PLEKHH1: variants seen among roughly 807,000 people sequenced by gnomAD.
PLEKHH1 encodes the protein pleckstrin homology domain-containing family H member 1.
A neutral mutation model predicts 160.0 loss-of-function variants in PLEKHH1; 104 were observed. The observed-to-expected ratio is 0.65, with a 90% CI of 0.55 to 0.76. The LOEUF (loss-of-function observed/expected upper bound fraction) is 0.76, where lower values mean the gene tolerates loss of function less well. PLEKHH1 is among the 30% of genes least tolerant of loss of function. The probability of loss-of-function intolerance (pLI) is 0.00; values close to 1 mark genes in which losing one functional copy is unlikely to be tolerated. For synonymous variants in PLEKHH1, 619 were observed against 678.4 expected (o/e 0.91, Z 1.36); for missense variants, 1,427 against 1,724.1 (o/e 0.83, Z 3.05).
intron 1 of PLEKHH1, among the ~76,000 whole-genome samples, chr14:67,536,519 C>T (rs949005548): frequency 6.6e-6 from 1 of 151,776 alleles, no homozygotes; most frequent in African/African-American, 2.4e-5. Context: ...AGCCCCGTTG[C>T]CTTCCAATGC....
chr14:67,579,695 G>C, intron 21 of PLEKHH1, 26 bp from the exon 22 acceptor site: 1 of 1,608,018 alleles, frequency 6.2e-7, no homozygotes, highest in South Asian at 1.1e-5. Flanking sequence ...GGTTCACTCA[G>C]GGTTGGAACT....
intron 9 of PLEKHH1, chr14:67,571,461 G>A: frequency 2.9e-6 from 1 of 339,156 alleles, no homozygotes; most frequent in East Asian, 4.5e-5. Flanking sequence ...GTAGCTTTCT[G>A]GCCCCCTAGT....
At chr14:67,568,703 C>T (rs908783816) in intron 7 of PLEKHH1, among the ~76,000 whole-genome samples, 4 of 152,078 alleles carry the variant, frequency 2.6e-5, no homozygotes, top group African/African-American at 7.2e-5. Flanking sequence ...GTCGTGTGGC[C>T]GCAGTGGCTT....
At position 67,541,899 on chromosome 14, in the gene PLEKHH1, G is replaced by T; in HGVS notation, c.32G>T (p.Ser11Ile). Reference protein sequence around the residue: MAELKVEAPASVDWQKRCLTL... With the variant: MAELKVEAPAIVDWQKRCLTL... ...GAACTCAAGGTGGAGGCGCCGGCCA[G>T]CGTAGACTGGCAGAAACGCTGCCTG... The change falls in exon 2 of 29, where the codon AGC becomes ATC. Residue 11 changes from serine to isoleucine, a missense_variant. Physicochemically the swap from Ser to Ile is moderately radical, Grantham distance 142. This residue lies in a region of PLEKHH1 where 831 missense variants were observed against 929.2 expected (regional missense o/e 0.89). Transcript: ENST00000329153. 6.2e-7 allele frequency: 1 copy of T among 1,603,526 alleles called. No individual in the cohort carries two copies. The highest frequency in any genetic ancestry group is 8.5e-7 in the Non-Finnish European group (1 of 1,175,202).
Position 67,580,901 on chromosome 14 carries a change from A to G in PLEKHH1, c.3184-37A>G, listed in dbSNP as rs368763236. 29 of 1,376,680 alleles carry G rather than the reference A, an allele frequency of 2.1e-5. No homozygotes were observed. The African/African-American group carries it at 2.8e-4, about 14-fold the overall frequency. The allele number at this position is 1,376,680 out of a possible 1,614,324, so 85.3% of individuals were successfully genotyped here. On this transcript the variant is annotated intron_variant, in intron 22 of 28. Coordinates refer to ENST00000329153, the MANE Select transcript of PLEKHH1 (RefSeq NM_020715.3). ...GACCTTGATCCCTTCTCTCCTTATCAGGAAATTTTCTGACTTTCTTCTTTT... is the reference window on the plus strand; with the variant it reads ...GACCTTGATCCCTTCTCTCCTTATCGGGAAATTTTCTGACTTTCTTCTTTT...
intron 2 of PLEKHH1, among the ~76,000 whole-genome samples, chr14:67,543,697 G>T (rs2034062693): frequency 6.6e-6 from 1 of 152,018 alleles, no homozygotes; most frequent in Non-Finnish European, 1.5e-5. Context: ...GAAAGGATAA[G>T]TAGGGATTGA....
rs2034877446 is a variant in PLEKHH1, at chr14:67,562,308, A to G, written c.677A>G (p.Lys226Arg). The G allele has an allele frequency of 1.2e-6, 2 of 1,613,804 alleles. No homozygotes were observed. The highest frequency in any genetic ancestry group is 2.7e-5 in the African/African-American group (2 of 74,910). Residue 226 changes from lysine to arginine, a missense_variant, in exon 7 of 29, where the codon AAG (lysine) becomes AGG (arginine). By Grantham distance (26) the Lys-to-Arg change is conservative. This residue lies in a region of PLEKHH1 where 831 missense variants were observed against 929.2 expected (regional missense o/e 0.89). Transcript: ENST00000329153. ...LAPSPGALQS[K>R]DSVSEAASPL... ...CCTTCCCCAGGTGCCCTGCAGAGCAAGGACTCTGTTTCTGAAGCAGCAAGC... is the reference window on the plus strand; with the variant it reads ...CCTTCCCCAGGTGCCCTGCAGAGCAGGGACTCTGTTTCTGAAGCAGCAAGC...
rs760010101 is a variant in PLEKHH1 at position 67,574,383 on chromosome 14, G to A, written c.2068G>A (p.Val690Met). Residue 690 changes from valine to methionine, a missense_variant, in exon 14 of 29, where the codon GTG becomes ATG. Coordinates refer to ENST00000329153, the MANE Select transcript of PLEKHH1 (RefSeq NM_020715.3). The surrounding 1 kb of genome is among the most constrained non-coding windows in gnomAD (Gnocchi z 4.2). ...GCTTCGGGGTGGCACCAAGCCCACC[G>A]TGAAGGGCTGGCTGACCAAGGTAGA... ...ALLRGGTKPTVKGWLTKVKHG... is the reference protein window; with the variant it reads ...ALLRGGTKPTMKGWLTKVKHG... 7 of 1,580,604 alleles carry A rather than the reference G, an allele frequency of 4.4e-6. No homozygotes were observed. The Admixed American group carries it at 5.6e-5, about 13-fold the overall frequency.
chr14:67,586,315 C>G, intron 28 of PLEKHH1: 2 of 1,285,376 alleles, frequency 1.6e-6, no homozygotes, highest in Non-Finnish European at 2.2e-6. Flanking sequence ...AGGGAACTAA[C>G]TCTGGCCTAG....
At chr14:67,577,870 A>T (rs2035696873) in intron 18 of PLEKHH1, among the ~76,000 whole-genome samples, 153 bp from the exon 19 acceptor site, 1 of 152,190 alleles carries the variant, frequency 6.6e-6, no homozygotes, top group Non-Finnish European at 1.5e-5. Flanking sequence ...TTTAGTAAGC[A>T]GAGATGCCCT....
chr14:67,533,735 C>T (rs932422515), intron 1 of PLEKHH1: 8 of 152,066 alleles, frequency 5.3e-5, no homozygotes, highest in African/African-American at 1.9e-4. Context: ...TCCCTTTCAC[C>T]CCTTCCCGCA....
At position 67,582,496 on chromosome 14, in the gene PLEKHH1, G is replaced by C. The variant is rs908755721; in HGVS notation, c.3426+286G>C. On this transcript the variant is annotated intron_variant, in intron 24 of 28. Transcript: ENST00000329153. This position sits in a 1 kb window ranked among gnomAD's most constrained non-coding sequence, Gnocchi z 5.0. ...TAGCCAAGTCACTTCACTTCTCTATGCTTTAGTTTCCTTCTCAGTATACCA... is the reference window on the plus strand; with the variant it reads ...TAGCCAAGTCACTTCACTTCTCTATCCTTTAGTTTCCTTCTCAGTATACCA... Among the ~76,000 whole-genome samples the C allele has an allele frequency of 2.0e-5, 3 of 152,074 alleles. No homozygotes were observed. Among genetic ancestry groups the C allele is most frequent in the Admixed American group, 2.0e-4 (3 of 15,254 alleles).
chr14:67,541,968 A>T lies in PLEKHH1; in HGVS notation c.101A>T (p.Lys34Met), dbSNP rs1594742552. 1.2e-6 allele frequency: 2 copies of T among 1,607,310 alleles called. No individual in the cohort carries two copies. The highest frequency in any genetic ancestry group is 4.5e-5 in the East Asian group (2 of 44,584). Residue 34 changes from lysine to methionine, a missense_variant, in exon 2 of 29, where the codon AAG (lysine) becomes ATG (methionine). By Grantham distance (95) the Lys-to-Met change is moderately conservative. Around this residue, in one of 6 missense-constraint regions of PLEKHH1, gnomAD observed 831 missense variants for 929.2 expected, o/e 0.89. Transcript: ENST00000329153. The part of the protein sequence containing the change: ...QLFRFRLQAS[K>M]IRELLADKMQ... ...TTCCGGTTCCGCCTACAGGCCAGCA[A>T]GATAAGGGAGCTGCTGGCTGACAAG...
rs1394220296 is a variant in PLEKHH1, at chr14:67,575,293, T to C, written c.2089-99T>C. ...CCAAATGGCATCTCCATCTCTACCA[T>C]AGGTCAAATCTGTCTCCCTGTGGCT... On this transcript the variant is annotated intron_variant, in intron 14 of 28. Transcript: ENST00000329153. The C allele has an allele frequency of 2.9e-5, 20 of 696,570 alleles. 1 individual carries two copies. The East Asian group carries it at 3.3e-4, about 12-fold the overall frequency. 43.1% of individuals were successfully genotyped at this position (696,570 alleles called of 1,614,324 possible).
intron 2 of PLEKHH1, among the ~76,000 whole-genome samples, chr14:67,552,621 G>T (rs1223418804): frequency 6.6e-6 from 1 of 151,222 alleles, no homozygotes; most frequent in Non-Finnish European, 1.5e-5. Flanking sequence ...TAAAAAATTA[G>T]CTGGGCGTGG....
At chr14:67,542,645 T>C (rs1566723282) in intron 2 of PLEKHH1, among the ~76,000 whole-genome samples, 2 of 152,244 alleles carry the variant, frequency 1.3e-5, no homozygotes, top group African/African-American at 4.8e-5. Flanking sequence ...ACTGACCACC[T>C]TTCCTAATGT....
rs1358908769 is a variant in PLEKHH1, at chr14:67,562,008, G to C, written c.478G>C (p.Val160Leu). ...CCATAATCAGCGCCTGGTGGAGCAGGTGGGATCCCTTCAAGATGCGCTAGA... is the reference window on the plus strand; with the variant it reads ...CCATAATCAGCGCCTGGTGGAGCAGCTGGGATCCCTTCAAGATGCGCTAGA... ...KSHNQRLVEQ[V>L]GSLQDALEAI... is the part of the protein sequence containing the mutation. Residue 160 changes from valine (V) to leucine (L), a missense_variant, in exon 6 of 29, where the codon GTG (valine) becomes CTG (leucine). Coordinates refer to ENST00000329153, the MANE Select transcript of PLEKHH1 (RefSeq NM_020715.3). 2 of 1,613,942 alleles carry C rather than the reference G, an allele frequency of 1.2e-6. No homozygotes were observed. Among genetic ancestry groups the C allele is most frequent in the South Asian group, 2.2e-5 (2 of 91,074 alleles).
chr14:67,561,340 T>C (rs949055341), intron 5 of PLEKHH1, among the ~76,000 whole-genome samples: 1 of 152,080 alleles, frequency 6.6e-6, no homozygotes, highest in Non-Finnish European at 1.5e-5. Context: ...TGCTCGACAC[T>C]AGGAGTTTGA....
At chr14:67,577,970 C>A in intron 18 of PLEKHH1, 53 bp from the exon 19 acceptor site, 1 of 1,554,716 alleles carries the variant, frequency 6.4e-7, no homozygotes, top group Non-Finnish European at 8.8e-7. Flanking sequence ...CCGTTGAGTT[C>A]TCTGAACCCA....
Sources: allele counts gnomAD v4.1 joint callset (sites outside exome capture counted in the v4.1 genomes callset), GRCh38; gene constraint gnomAD v4.1.1; regional missense constraint gnomAD v4.1.1; non-coding constraint Gnocchi (gnomAD v3.1); transcripts MANE v1.5; gene names NCBI Gene and HGNC (gene_info 2026-07-23, HGNC 2026-07-21).